Variants in ABCB11 observed in about 807,000 individuals in gnomAD.
The protein encoded by ABCB11 is ATP binding cassette subfamily B member 11.
Under a neutral mutation model 148.0 loss-of-function variants are expected in ABCB11, and 95 were observed. The ratio of observed to expected loss-of-function variants is 0.64; its 90% CI spans 0.54 to 0.76. The LOEUF is 0.76. ABCB11 is among the 30% of genes least tolerant of loss of function. The pLI is 0.00. For synonymous variants in ABCB11, 591 were observed against 555.4 expected (o/e 1.06, Z -0.90); for missense variants, 1,523 against 1,617.8 (o/e 0.94, Z 1.01).
At chr2:168,956,957 T>C (rs752264740) in intron 19 of ABCB11, among the ~76,000 whole-genome samples, 14 of 151,666 alleles carry the variant, frequency 9.2e-5, no homozygotes, top group Non-Finnish European at 1.6e-4. Flanking sequence ...CTGGGTAAGC[T>C]GCCTTAGATC....
chr2:169,009,904 A>G (rs12613034), intron 5 of ABCB11, among the ~76,000 whole-genome samples: 3 of 152,010 alleles, frequency 2.0e-5, no homozygotes, highest in Non-Finnish European at 4.4e-5. Flanking sequence ...CTGTCTAGCT[A>G]CAAAATAGTG....
chr2:168,964,394 G>A, intron 17 of ABCB11, 86 bp from the exon 18 acceptor site: 1 of 1,076,452 alleles, frequency 9.3e-7, no homozygotes, highest in South Asian at 1.4e-5. Context: ...CATTTCATAT[G>A]TCAAATAAAT....
intron 1 of ABCB11, among the ~76,000 whole-genome samples, chr2:169,028,235 C>T (rs1467695029): frequency 6.6e-6 from 1 of 151,900 alleles, no homozygotes; most frequent in Non-Finnish European, 1.5e-5. Flanking sequence ...GGAGCACCAG[C>T]CCTCCAGCCA....
At chr2:168,952,411 T>C (rs1359511131) in intron 19 of ABCB11, among the ~76,000 whole-genome samples, 1 of 151,592 alleles carries the variant, frequency 6.6e-6, no homozygotes, top group Non-Finnish European at 1.5e-5. Context: ...TGCTACTCAT[T>C]ATTAGTCTGT....
In ABCB11 at chr2:168,930,794, T is replaced by G; in HGVS notation, c.3282A>C (p.Gln1094His). ...KFTYPSRPDSQVLNGLSVSIS... is the reference protein window; with the variant it reads ...KFTYPSRPDSHVLNGLSVSIS... ...TCGACACTGAGAGACCATTCAGAAC[T>G]TGCGAGTCAGGTCGAGAAGGATATG... Residue 1094 changes from glutamine (Q) to histidine (H), a missense_variant, in exon 25 of 28, where the codon CAA becomes CAC. Transcript: ENST00000650372. 2 of 1,613,664 alleles carry G rather than the reference T, an allele frequency of 1.2e-6. No individual in the cohort carries two copies. Among genetic ancestry groups the G allele is most frequent in the Non-Finnish European group, 1.7e-6 (2 of 1,179,762 alleles).
rs1332864334 is a variant in ABCB11, at chr2:168,944,952, T to C, written c.2353A>G (p.Ile785Val). ...LFSQILGTFS[I>V]PDKEEQRSQI... ...GACCTTTGTTCCTCTTTATCAGGAATTGAAAAAGTCTTGGAAAGATAGTAA... is the reference window on the plus strand; with the variant it reads ...GACCTTTGTTCCTCTTTATCAGGAACTGAAAAAGTCTTGGAAAGATAGTAA... The change falls in exon 20 of 28, where the codon ATT (isoleucine) becomes GTT (valine). Residue 785 changes from isoleucine (I) to valine (V), a missense_variant. Ile to Val is a conservative substitution (Grantham distance 29). Coordinates refer to ENST00000650372, the MANE Select transcript of ABCB11 (RefSeq NM_003742.4). 3 of 1,549,314 alleles carry C rather than the reference T, an allele frequency of 1.9e-6. No individual in the cohort carries two copies. The highest frequency in any genetic ancestry group is 3.9e-5 in the Admixed American group (2 of 50,740).
At position 168,968,468 on chromosome 2, in the gene ABCB11, A is replaced by G. The variant is rs2105955537; in HGVS notation, c.2034T>C (p.Leu678=). 1.2e-5 allele frequency: 20 copies of G among 1,611,228 alleles called. No individual in the cohort carries two copies. Among genetic ancestry groups the G allele is most frequent in the Non-Finnish European group, 1.7e-5 (20 of 1,178,436 alleles). The change falls in exon 17 of 28, where the codon CTT becomes CTC. Residue 678 remains leucine, a synonymous_variant. Coordinates refer to ENST00000650372, the MANE Select transcript of ABCB11 (RefSeq NM_003742.4). ...DIKDATEDDM[L]ARTFSRGSYQ... ...AGCTCCCTCTGCTAAAGGTCCTCGCAAGCATGTCATCTTCAGTTGCATCTA... is the reference window on the plus strand; with the variant it reads ...AGCTCCCTCTGCTAAAGGTCCTCGCGAGCATGTCATCTTCAGTTGCATCTA...
At chr2:168,992,514 G>A (rs748539144) in intron 8 of ABCB11, among the ~76,000 whole-genome samples, 5 of 152,206 alleles carry the variant, frequency 3.3e-5, no homozygotes, top group East Asian at 1.9e-4. Context: ...AAAGACTGCC[G>A]TAAAACTTGA....
intron 21 of ABCB11, among the ~76,000 whole-genome samples, chr2:168,939,979 T>C (rs1559187683): frequency 6.6e-6 from 1 of 152,100 alleles, no homozygotes; most frequent in East Asian, 1.9e-4. Flanking sequence ...ACTGAAAACT[T>C]ATTCAATAAA....
intron 15 of ABCB11, 107 bp from the exon 16 acceptor site, chr2:168,969,658 G>A (rs1393732106): frequency 7.8e-5 from 81 of 1,031,898 alleles, no homozygotes; most frequent in Non-Finnish European, 1.1e-4. Context: ...TGGTCCCTGG[G>A]AATATTCTTA....
chr2:168,988,017 TA>T (rs1213745482), intron 9 of ABCB11, among the ~76,000 whole-genome samples: 1 of 152,070 alleles, frequency 6.6e-6, no homozygotes, highest in Non-Finnish European at 1.5e-5. Flanking sequence ...TGAGAACACT[TA>T]AAAATCTATT....
intron 1 of ABCB11, among the ~76,000 whole-genome samples, chr2:169,029,640 G>T (rs1695801278): frequency 6.7e-6 from 1 of 149,146 alleles, no homozygotes; most frequent in Non-Finnish European, 1.5e-5. Flanking sequence ...GAGGACTAAA[G>T]AATTGCTTAG....
chr2:169,030,774 A>T (rs1695843554), intron 1 of ABCB11, among the ~76,000 whole-genome samples: 1 of 152,308 alleles, frequency 6.6e-6, no homozygotes, highest in Admixed American at 6.5e-5. Flanking sequence ...ACGGTGTTGG[A>T]GAAAAGATAA....
intron 1 of ABCB11, among the ~76,000 whole-genome samples, chr2:169,027,336 A>G (rs1695731260): frequency 6.6e-6 from 1 of 152,212 alleles, no homozygotes; most frequent in Admixed American, 6.5e-5. Context: ...TTAATTGTCC[A>G]CACCAACTCC....
At chr2:168,997,907 G>A (rs567017128) in intron 5 of ABCB11, among the ~76,000 whole-genome samples, 1 of 152,100 alleles carries the variant, frequency 6.6e-6, no homozygotes, top group Admixed American at 6.6e-5. Context: ...ATCAATAAAT[G>A]TTTCCTGATT....
chr2:168,919,857 T>A (rs115912660), downstream of ABCB11, among the ~76,000 whole-genome samples: 1,873 of 151,690 alleles, frequency 0.012, 40 homozygotes, highest in African/African-American at 0.042. Context: ...TGTGTTTTGT[T>A]TTGTTTTTTG....
In ABCB11 at chr2:168,923,598, T is replaced by G; in HGVS notation, c.*24A>C. 1 of 1,611,320 alleles carries G rather than the reference T, an allele frequency of 6.2e-7. No individual in the cohort carries two copies. The highest frequency in any genetic ancestry group is 1.1e-5 in the South Asian group (1 of 91,006). On this transcript the variant is annotated 3_prime_UTR_variant, in exon 28 of 28. Coordinates refer to ENST00000650372, the MANE Select transcript of ABCB11 (RefSeq NM_003742.4). Reference sequence around the variant, plus strand: ...CAACCCCTGTAACTGGTGCGTCATGTGTGTCTGAGATTCTTGCATTGGGTC... The same window carrying G: ...CAACCCCTGTAACTGGTGCGTCATGGGTGTCTGAGATTCTTGCATTGGGTC...
intron 16 of ABCB11, among the ~76,000 whole-genome samples, chr2:168,968,909 G>A (rs1195600696): frequency 6.6e-6 from 1 of 151,794 alleles, no homozygotes; most frequent in Non-Finnish European, 1.5e-5. Flanking sequence ...AGTTTAGAGT[G>A]GTTGGTTAAT....
rs190772671 is a variant in ABCB11 at position 168,955,798 on chromosome 2, A to G, written c.2343+2166T>C. Among the ~76,000 whole-genome samples, 22 of 151,814 alleles carry G rather than the reference A, an allele frequency of 1.4e-4. 2 individuals are homozygous for G. The highest frequency in any genetic ancestry group is 5.3e-4 in the African/African-American group (22 of 41,498). ...AGTCCCTTACAACTATGAGCCTGTA[A>G]AATCAAAAATAAGTTTGTTACTTCC... On this transcript the variant is annotated intron_variant, in intron 19 of 27. Coordinates refer to ENST00000650372, the MANE Select transcript of ABCB11 (RefSeq NM_003742.4).
Sources: gnomAD v4.1 joint callset for allele counts (sites outside exome capture counted in the v4.1 genomes callset) on GRCh38, gnomAD v4.1.1 for gene constraint, MANE v1.5 for transcripts, NCBI Gene and HGNC (gene_info 2026-07-23, HGNC 2026-07-21) for gene names.